The following ZNF518A variants were observed in gnomAD, a reference collection of about 807,000 sequenced individuals.
ZNF518A encodes zinc finger protein 518A.
Under a neutral mutation model 102.7 loss-of-function variants are expected in ZNF518A, and 47 were observed. The observed-to-expected ratio is 0.46, with a 90% CI of 0.36 to 0.58. The LOEUF (loss-of-function observed/expected upper bound fraction) is 0.58, where lower values mean the gene tolerates loss of function less well. Ranked by LOEUF, ZNF518A falls within the 20% of genes least tolerant of loss-of-function variation. ZNF518A has a pLI of 0.00. For synonymous variants in ZNF518A, 652 were observed against 594.6 expected (o/e 1.10, Z -1.40); for missense variants, 1,793 against 1,699.8 (o/e 1.05, Z -0.96).
intron 3 of ZNF518A, among the ~76,000 whole-genome samples, chr10:96,155,087 CAT>C (rs140940407): frequency 0.014 from 2,184 of 152,032 alleles, 17 homozygotes; most frequent in Middle Eastern, 0.031. Context: ...AAATTAAAAA[CAT>C]GTAATTTTTC....
At chr10:96,166,657 C>T (rs1441630101), downstream of ZNF518A, among the ~76,000 whole-genome samples, 2 of 152,200 alleles carry the variant, frequency 1.3e-5, no homozygotes, top group Non-Finnish European at 2.9e-5. Context: ...AGTCCCACTA[C>T]TCGAGAGTCT....
At chr10:96,144,574 T>C (rs2082084573) in intron 3 of ZNF518A, among the ~76,000 whole-genome samples, 1 of 152,152 alleles carries the variant, frequency 6.6e-6, no homozygotes, top group African/African-American at 2.4e-5. Flanking sequence ...GTAGAAAATC[T>C]AAAGAGCCCA....
intron 3 of ZNF518A, among the ~76,000 whole-genome samples, chr10:96,144,554 G>A (rs1187871310): frequency 5.3e-5 from 8 of 152,124 alleles, no homozygotes; most frequent in Admixed American, 1.3e-4. Flanking sequence ...TTACCAAAGT[G>A]ACTCAAGCAG....
At chr10:96,140,523 AAAAAG>A (rs782797557) in intron 3 of ZNF518A, among the ~76,000 whole-genome samples, 1 of 152,204 alleles carries the variant, frequency 6.6e-6, no homozygotes, top group Non-Finnish European at 1.5e-5. Context: ...TGACAAACAG[AAAAAG>A]AAAAGAGCAA....
Position 96,157,674 on chromosome 10 carries a change from A to G in ZNF518A, c.1352A>G (p.Asp451Gly), listed in dbSNP as rs1219786431. 6.2e-7 allele frequency: 1 copy of G among 1,613,762 alleles called. No homozygotes were observed. The highest frequency in any genetic ancestry group is 1.7e-5 in the Admixed American group (1 of 59,992). ...ACGTTTATGGGCTTCAAGATGATGG[A>G]TGGAAAACAGCATATTGTATTAAAA... ...NATFMGFKMM[D>G]GKQHIVLKLV... Residue 451 changes from aspartate (D) to glycine (G), a missense_variant, in exon 6 of 6, where the codon GAT (aspartate) becomes GGT (glycine). By Grantham distance (94) the Asp-to-Gly change is moderately conservative. This residue lies in a region of ZNF518A where 1,741 missense variants were observed against 1,622.6 expected (regional missense o/e 1.07). Coordinates refer to ENST00000316045, the MANE Select transcript of ZNF518A (RefSeq NM_001330736.2).
chr10:96,166,618 A>G (rs1005757823), downstream of ZNF518A, among the ~76,000 whole-genome samples: 1 of 152,104 alleles, frequency 6.6e-6, no homozygotes, highest in Non-Finnish European at 1.5e-5. Flanking sequence ...AATACAAAAA[A>G]ATAGCCAGGC....
Position 96,163,391 on chromosome 10 carries a change from G to C in ZNF518A, c.*2617G>C, listed in dbSNP as rs1281235376. 1 of 166,954 alleles carries C rather than the reference G, an allele frequency of 6.0e-6. No homozygotes were observed. The highest frequency in any genetic ancestry group is 1.9e-4 in the East Asian group (1 of 5,202). The allele number at this position is 166,954 out of a possible 1,614,324, so 10.3% of individuals were successfully genotyped here. On this transcript the variant is annotated 3_prime_UTR_variant, in exon 6 of 6. Transcript: ENST00000316045. ...GTAGTTCGAGGTTCTTATTACAATTGAAGAGTTAGTTTTAGTTTTGCAGTT... is the reference window on the plus strand; with the variant it reads ...GTAGTTCGAGGTTCTTATTACAATTCAAGAGTTAGTTTTAGTTTTGCAGTT...
At chr10:96,199,171 G>A (rs1554895424) in intron 1 of ZNF518A, among the ~76,000 whole-genome samples, 1 of 152,202 alleles carries the variant, frequency 6.6e-6, no homozygotes, top group Non-Finnish European at 1.5e-5. Flanking sequence ...TAAAACAAGG[G>A]TGAGGAAGAA....
chr10:96,137,534 T>A (rs1056624287), intron 3 of ZNF518A, among the ~76,000 whole-genome samples: 2 of 152,238 alleles, frequency 1.3e-5, no homozygotes, highest in Admixed American at 1.3e-4. Flanking sequence ...GTTAGTCATC[T>A]TCTTACTTGA....
At chr10:96,186,641 C>G (rs1044608691) in intron 1 of ZNF518A, among the ~76,000 whole-genome samples, 4 of 152,200 alleles carry the variant, frequency 2.6e-5, no homozygotes, top group African/African-American at 9.7e-5. Flanking sequence ...CATGATTCGC[C>G]TGCCTTGGCC....
At chr10:96,194,741 A>G (rs951008645) in intron 1 of ZNF518A, among the ~76,000 whole-genome samples, 13 of 151,610 alleles carry the variant, frequency 8.6e-5, no homozygotes, top group Non-Finnish European at 1.6e-4. Context: ...AAAATGTTCA[A>G]CATCACTAAT....
rs1217622655 is a variant in ZNF518A, at chr10:96,157,148, C to A, written c.826C>A (p.His276Asn). ...YCSYGATRRE[H>N]LVRHVITLHK... ...TAGCTATGGTGCCACCAGGAGAGAACACCTTGTAAGACATGTTATAACTTT... is the reference window on the plus strand; with the variant it reads ...TAGCTATGGTGCCACCAGGAGAGAAAACCTTGTAAGACATGTTATAACTTT... The change falls in exon 6 of 6, where the codon CAC becomes AAC. Residue 276 changes from histidine (H) to asparagine (N), a missense_variant. By Grantham distance (68) the His-to-Asn change is moderately conservative (BLOSUM62 1). Around this residue, in one of 3 missense-constraint regions of ZNF518A, gnomAD observed 1,741 missense variants for 1,622.6 expected, o/e 1.07. Coordinates refer to ENST00000316045, the MANE Select transcript of ZNF518A (RefSeq NM_001330736.2). The A allele has an allele frequency of 2.5e-6, 4 of 1,613,500 alleles. No individual in the cohort carries two copies. Among genetic ancestry groups the A allele is most frequent in the African/African-American group, 2.7e-5 (2 of 74,868 alleles).
At chr10:96,155,054 C>T (rs1232338424) in intron 3 of ZNF518A, among the ~76,000 whole-genome samples, 1 of 150,248 alleles carries the variant, frequency 6.7e-6, no homozygotes, top group Non-Finnish European at 1.5e-5. Flanking sequence ...TCTATTCATA[C>T]ATATATATAT....
At chr10:96,133,925 T>C (rs1365820416) in intron 3 of ZNF518A, among the ~76,000 whole-genome samples, 6 of 152,200 alleles carry the variant, frequency 3.9e-5, no homozygotes, top group African/African-American at 1.4e-4. Flanking sequence ...TAAGTAACTT[T>C]TTCCTATATA....
chr10:96,183,675 G>A (rs1288895223), intron 1 of ZNF518A, among the ~76,000 whole-genome samples: 3 of 152,228 alleles, frequency 2.0e-5, no homozygotes, highest in African/African-American at 7.2e-5. Flanking sequence ...TGTGGTCTGA[G>A]AGACAGTTTG....
intron 3 of ZNF518A, among the ~76,000 whole-genome samples, chr10:96,144,132 C>T (rs374863133): frequency 6.6e-4 from 100 of 152,104 alleles, no homozygotes; most frequent in African/African-American, 2.3e-3. Flanking sequence ...ACTACAGGTG[C>T]ATGCCACCAT....
At chr10:96,185,292 G>T (rs143905468) in intron 1 of ZNF518A, among the ~76,000 whole-genome samples, 1 of 152,152 alleles carries the variant, frequency 6.6e-6, no homozygotes, top group East Asian at 1.9e-4. Flanking sequence ...ACCTTCTGAA[G>T]CCTACTTCTG....
intron 1 of ZNF518A, chr10:96,189,650 A>G (rs1243739299): frequency 1.8e-5 from 13 of 714,734 alleles, no homozygotes; most frequent in Non-Finnish European, 3.4e-5. Flanking sequence ...TGGCTGGAGT[A>G]TGTAGATTTC....
At chr10:96,202,239 CA>C (rs1473987676) in intron 1 of ZNF518A, among the ~76,000 whole-genome samples, 1 of 152,058 alleles carries the variant, frequency 6.6e-6, no homozygotes, top group Non-Finnish European at 1.5e-5. Flanking sequence ...GGGTTTTGAA[CA>C]GGGGGGTAAC....
Sources: gnomAD v4.1 joint callset for allele counts (sites outside exome capture counted in the v4.1 genomes callset) on GRCh38, gnomAD v4.1.1 for gene constraint, gnomAD v4.1.1 regional missense constraint, MANE v1.5 for transcripts, NCBI Gene and HGNC (gene_info 2026-07-23, HGNC 2026-07-21) for gene names.